ACSF3: variants seen among roughly 807,000 people sequenced by gnomAD.
ACSF3 encodes the protein malonate--CoA ligase ACSF3, mitochondrial.
Under a neutral mutation model 53.2 loss-of-function variants are expected in ACSF3, and 78 were observed. The observed-to-expected ratio is 1.47, with a 90% CI of 1.22 to 1.77. The LOEUF is 1.77. Among genes scored for constraint, ACSF3 ranks in the 40% most tolerant of loss-of-function variants. The pLI, the probability that ACSF3 is intolerant of heterozygous loss-of-function variation, is 0.00. For synonymous variants in ACSF3, 414 were observed against 333.1 expected, an observed-to-expected ratio of 1.24 and a Z score of -2.65; for missense variants, 937 against 771.1, an observed-to-expected ratio of 1.22 and a Z score of -2.55.
At chr16:89,114,720 G>C in intron 6 of ACSF3, 1 of 630,038 alleles carries the variant, frequency 1.6e-6, no homozygotes, top group Non-Finnish European at 2.8e-6. Context: ...GTCTGTGCTG[G>C]CCCCTGGCTG....
chr16:89,140,085 C>T (rs1369343603), intron 8 of ACSF3, among the ~76,000 whole-genome samples: 1 of 152,246 alleles, frequency 6.6e-6, no homozygotes, highest in Non-Finnish European at 1.5e-5. Flanking sequence ...TCACCCTTGG[C>T]CCACAGAGGA....
intron 7 of ACSF3, among the ~76,000 whole-genome samples, chr16:89,124,021 G>T (rs1043192496): frequency 6.6e-6 from 1 of 151,460 alleles, no homozygotes; most frequent in Middle Eastern, 3.2e-3. Flanking sequence ...TCACACGCAC[G>T]CAGTGTGCAC....
chr16:89,146,110 G>A, intron 10 of ACSF3, 61 bp downstream of exon 10: 1 of 1,211,326 alleles, frequency 8.3e-7, no homozygotes, highest in South Asian at 1.3e-5. Context: ...AGTCTTGAGG[G>A]CCACCCTAGG....
At chr16:89,116,074 T>C (rs1390614721) in intron 6 of ACSF3, among the ~76,000 whole-genome samples, 1 of 152,266 alleles carries the variant, frequency 6.6e-6, no homozygotes, top group Admixed American at 6.5e-5. Context: ...GAGAATAGTT[T>C]CAGCTCTTAC....
intron 10 of ACSF3, 46 bp downstream of exon 10, chr16:89,146,095 G>A (rs764733445): frequency 2.8e-5 from 41 of 1,460,572 alleles, no homozygotes; most frequent in Admixed American, 5.1e-5. Context: ...GGGTCTTGGG[G>A]GTCCAGTCTT....
At position 89,120,796 on chromosome 16, in the gene ACSF3, T is replaced by C. The variant is rs200245960; in HGVS notation, c.1127-5T>C. ...CTCCCCTTCAGTGTTTCTCCTCTCC[T>C]GTAGGTTCCGTGGGGACCCCACTGC... On this transcript the variant is annotated splice_polypyrimidine_tract_variant and splice_region_variant and intron_variant, in intron 6 of 10. Coordinates refer to ENST00000614302, the MANE Select transcript of ACSF3 (RefSeq NM_001243279.3). 3.0e-4 allele frequency: 490 copies of C among 1,613,754 alleles called. 4 individuals carry two copies. In the East Asian group the frequency reaches 0.011, roughly 35 times the overall value.
chr16:89,114,312 A>T, intron 5 of ACSF3, 27 bp from the exon 6 acceptor site: 1 of 1,613,656 alleles, frequency 6.2e-7, no homozygotes, highest in Non-Finnish European at 8.5e-7. Flanking sequence ...CCAAGGGGCT[A>T]AACCTGCCTT....
intron 7 of ACSF3, among the ~76,000 whole-genome samples, chr16:89,125,324 C>G (rs1298162522): frequency 7.6e-6 from 1 of 131,840 alleles, no homozygotes; most frequent in East Asian, 2.1e-4. Context: ...GCCTGGGCAA[C>G]AAGAGCAAAA....
intron 8 of ACSF3, chr16:89,141,328 G>A (rs1157385425): frequency 6.3e-6 from 8 of 1,276,410 alleles, no homozygotes; most frequent in African/African-American, 4.6e-5. Flanking sequence ...GTCGACCCTC[G>A]GAGCTGAGAC....
At chr16:89,147,614 G>A (rs1302062313) in intron 10 of ACSF3, 1 of 146,448 alleles carries the variant, frequency 6.8e-6, no homozygotes, top group Non-Finnish European at 1.5e-5. Context: ...TCTCAAACAT[G>A]CAGGTCTTGT....
intron 4 of ACSF3, among the ~76,000 whole-genome samples, chr16:89,111,776 C>G (rs983668808): frequency 6.6e-6 from 1 of 152,240 alleles, no homozygotes; most frequent in East Asian, 1.9e-4. Context: ...CTCCTGCCAG[C>G]TTCCCCAAGG....
intron 6 of ACSF3, among the ~76,000 whole-genome samples, chr16:89,118,302 A>T (rs1205754213): frequency 1.3e-5 from 2 of 149,868 alleles, no homozygotes; most frequent in Admixed American, 1.3e-4. Context: ...TTGCCTTTAA[A>T]TCACCAGCAG....
intron 6 of ACSF3, 185 bp downstream of exon 6, chr16:89,114,672 G>C (rs929649719): frequency 1.6e-5 from 13 of 837,956 alleles, no homozygotes; most frequent in Middle Eastern, 3.4e-4. Flanking sequence ...GGGTAGATCA[G>C]CCTTCTCCCA....
chr16:89,102,852 C>A, intron 4 of ACSF3, 93 bp downstream of exon 4: 1 of 1,542,272 alleles, frequency 6.5e-7, no homozygotes, highest in Non-Finnish European at 8.8e-7. Context: ...TCAGCCTAAG[C>A]GCCTTTCGCT....
intron 7 of ACSF3, 86 bp downstream of exon 7, chr16:89,120,999 G>T (rs1188340898): frequency 8.1e-7 from 1 of 1,227,430 alleles, no homozygotes; most frequent in Non-Finnish European, 1.2e-6. Flanking sequence ...TCTTTCCCCT[G>T]GAGGCAGACT....
intron 1 of ACSF3, 65 bp from the exon 2 acceptor site, chr16:89,098,526 G>A: frequency 2.5e-6 from 1 of 398,678 alleles, no homozygotes; most frequent in South Asian, 1.8e-5. Flanking sequence ...TGAGTGTTGA[G>A]TGTTGTGCCT....
intron 2 of ACSF3, among the ~76,000 whole-genome samples, chr16:89,100,149 G>A (rs1597883309): frequency 6.6e-6 from 1 of 152,168 alleles, no homozygotes; most frequent in Admixed American, 6.5e-5. Flanking sequence ...TCAAAAAAAC[G>A]AACCTTGGCA....
At chr16:89,114,601 C>G (rs1256316373) in intron 6 of ACSF3, 114 bp downstream of exon 6, 33 of 1,504,072 alleles carry the variant, frequency 2.2e-5, no homozygotes, top group Non-Finnish European at 2.9e-5. Flanking sequence ...AGGATGCTCC[C>G]CCGTGGGACA....
intron 9 of ACSF3, 97 bp from the exon 10 acceptor site, chr16:89,145,841 C>T (rs570294210): frequency 1.9e-5 from 20 of 1,061,278 alleles, no homozygotes; most frequent in African/African-American, 1.9e-4. Flanking sequence ...TCCAGGGCTG[C>T]GGCCAGACTG....
Sources: gnomAD v4.1 joint callset for allele counts (sites outside exome capture counted in the v4.1 genomes callset) on GRCh38, gnomAD v4.1.1 for gene constraint, MANE v1.5 for transcripts, NCBI Gene and HGNC (gene_info 2026-07-23, HGNC 2026-07-21) for gene names.